IGSF11: variants seen among roughly 807,000 people sequenced by gnomAD.
IGSF11 encodes the protein CXADR like 1.
Under a neutral mutation model 41.0 loss-of-function variants are expected in IGSF11, and 22 were observed. The ratio of observed to expected loss-of-function variants is 0.54; its 90% CI spans 0.38 to 0.77. The LOEUF (loss-of-function observed/expected upper bound fraction) is 0.77. Ranked by LOEUF, IGSF11 falls within the 30% of genes least tolerant of loss-of-function variation. IGSF11 has a pLI of 0.00. For missense variants in IGSF11, 444 were observed against 530.8 expected (o/e 0.84, Z 1.61); for synonymous variants, 219 against 201.3 (o/e 1.09, Z -0.74).
At chr3:118,946,422 T>C (rs1300215127) in intron 1 of IGSF11, among the ~76,000 whole-genome samples, 1 of 148,758 alleles carries the variant, frequency 6.7e-6, no homozygotes, top group Non-Finnish European at 1.5e-5. Flanking sequence ...ACAGATTTAA[T>C]CTCTAAAATG....
intron 1 of IGSF11, chr3:119,105,031 A>G (rs1476893779): frequency 1.6e-6 from 1 of 612,348 alleles, no homozygotes; most frequent in East Asian, 2.8e-5. Flanking sequence ...TTTTTTTAGT[A>G]GTAGGAGAAT....
chr3:118,953,261 T>C (rs1329803584), intron 1 of IGSF11, among the ~76,000 whole-genome samples: 1 of 152,176 alleles, frequency 6.6e-6, no homozygotes, highest in South Asian at 2.1e-4. Flanking sequence ...ATGGTACACA[T>C]GAATATATAC....
chr3:118,940,778 T>C (rs1295689298), intron 1 of IGSF11, among the ~76,000 whole-genome samples: 1 of 151,846 alleles, frequency 6.6e-6, no homozygotes, highest in African/African-American at 2.4e-5. Context: ...TAAGGACATA[T>C]AGAGAGTCCA....
At chr3:119,131,173 A>C (rs1478799871) in intron 1 of IGSF11, among the ~76,000 whole-genome samples, 2 of 152,224 alleles carry the variant, frequency 1.3e-5, no homozygotes, top group African/African-American at 2.4e-5. Context: ...CCTTGCCAGC[A>C]ACAGAACAAA....
At chr3:118,975,949 C>A (rs561620658) in intron 1 of IGSF11, among the ~76,000 whole-genome samples, 1 of 152,014 alleles carries the variant, frequency 6.6e-6, no homozygotes, top group Admixed American at 6.6e-5. Flanking sequence ...ATCATTTGTA[C>A]CCCAAACCTC....
chr3:119,059,579 T>TTTA (rs1221245925), intron 1 of IGSF11, among the ~76,000 whole-genome samples: 1 of 152,118 alleles, frequency 6.6e-6, no homozygotes, highest in Non-Finnish European at 1.5e-5. Context: ...AAAGGATACA[T>TTTA]TTATTATTTT....
intron 2 of IGSF11, among the ~76,000 whole-genome samples, chr3:118,929,672 A>C (rs2160053): frequency 3.6e-4 from 55 of 151,910 alleles, no homozygotes; most frequent in African/African-American, 1.3e-3. Flanking sequence ...TTTATATGAG[A>C]CTCTTTGAGC....
chr3:118,941,074 G>T (rs1943657202), intron 1 of IGSF11, among the ~76,000 whole-genome samples: 1 of 151,786 alleles, frequency 6.6e-6, no homozygotes, highest in South Asian at 2.1e-4. Context: ...TCTGGAATAG[G>T]ATACAAAATG....
At chr3:118,996,093 G>A (rs537140408) in intron 1 of IGSF11, among the ~76,000 whole-genome samples, 1 of 152,266 alleles carries the variant, frequency 6.6e-6, no homozygotes, top group Non-Finnish European at 1.5e-5. Context: ...CAGCAAGCAG[G>A]TTATGGTTTA....
chr3:118,971,998 A>C (rs1933499793), intron 1 of IGSF11, among the ~76,000 whole-genome samples: 1 of 152,158 alleles, frequency 6.6e-6, no homozygotes, highest in Non-Finnish European at 1.5e-5. Context: ...AAACCACCTA[A>C]AATTCAAATT....
At chr3:119,089,843 G>A (rs1485721569) in intron 1 of IGSF11, among the ~76,000 whole-genome samples, 1 of 152,210 alleles carries the variant, frequency 6.6e-6, no homozygotes, top group East Asian at 1.9e-4. Context: ...CGGCCAACAT[G>A]GCAAAACCCC....
At chr3:118,946,629 G>A (rs1379033110) in intron 1 of IGSF11, among the ~76,000 whole-genome samples, 3 of 152,122 alleles carry the variant, frequency 2.0e-5, no homozygotes, top group Admixed American at 2.0e-4. Context: ...CATACTGCTG[G>A]TGAAAAGCAC....
intron 1 of IGSF11, among the ~76,000 whole-genome samples, chr3:119,025,130 G>A (rs889844337): frequency 1.3e-5 from 2 of 152,130 alleles, no homozygotes; most frequent in African/African-American, 4.8e-5. Flanking sequence ...TATATTGGGA[G>A]GGGGAGAGAG....
chr3:119,022,283 G>A lies in IGSF11; in HGVS notation c.52+12248C>T, dbSNP rs1210470077. ...AGGTTACCAGGGGTTAAGTGGAAACGGGGAGGTATTGCCTAATAGTTATAG... is the reference window on the plus strand; with the variant it reads ...AGGTTACCAGGGGTTAAGTGGAAACAGGGAGGTATTGCCTAATAGTTATAG... On this transcript the variant is annotated intron_variant, in intron 1 of 6. Transcript: ENST00000393775. 2.6e-5 allele frequency among the ~76,000 whole-genome samples: 4 copies of A among 152,172 alleles called. No homozygotes were observed. The East Asian group carries it at 5.8e-4, about 22-fold the overall frequency.
intron 4 of IGSF11, among the ~76,000 whole-genome samples, chr3:118,922,854 TG>T (rs1320583759): frequency 6.6e-6 from 1 of 152,114 alleles, no homozygotes; most frequent in Non-Finnish European, 1.5e-5. Flanking sequence ...GACAGTTCTT[TG>T]GGTGGTCTGG....
At chr3:119,069,536 A>C (rs1472330630) in intron 1 of IGSF11, among the ~76,000 whole-genome samples, 1 of 152,206 alleles carries the variant, frequency 6.6e-6, no homozygotes. Context: ...GCCTAATTTC[A>C]GATAATAATA....
chr3:119,056,296 A>G (rs1396059498), intron 1 of IGSF11, among the ~76,000 whole-genome samples: 1 of 152,238 alleles, frequency 6.6e-6, no homozygotes, highest in Non-Finnish European at 1.5e-5. Flanking sequence ...GGATATCACC[A>G]TCGATTACAC....
chr3:118,908,029 G>A (rs1334153653), intron 4 of IGSF11, among the ~76,000 whole-genome samples: 2 of 152,104 alleles, frequency 1.3e-5, no homozygotes, highest in Non-Finnish European at 2.9e-5. Context: ...TTGTGTTCCT[G>A]GGGTTTTTGT....
chr3:119,037,493 T>A (rs1940960964), upstream of IGSF11, among the ~76,000 whole-genome samples: 1 of 152,134 alleles, frequency 6.6e-6, no homozygotes, highest in African/African-American at 2.4e-5. Context: ...AAAATTTGGA[T>A]GAGATTGGCC....
Sources: allele counts gnomAD v4.1 joint callset (sites outside exome capture counted in the v4.1 genomes callset), GRCh38; gene constraint gnomAD v4.1.1; transcripts MANE v1.5; gene names NCBI Gene and HGNC (gene_info 2026-07-23, HGNC 2026-07-21).